The following PTGER3 variants were observed in gnomAD, a reference collection of about 807,000 sequenced individuals.
PTGER3 encodes prostaglandin E receptor 3.
PTGER3 carries 22 observed loss-of-function variants against 34.7 expected under a neutral mutation model. The observed-to-expected ratio is 0.63, with a 90% CI of 0.45 to 0.91. PTGER3 has a LOEUF of 0.91. Ranked by LOEUF, PTGER3 falls within the 40% of genes least tolerant of loss-of-function variation. PTGER3 has a pLI of 0.00. For synonymous variants in PTGER3, 241 were observed against 230.1 expected, an observed-to-expected ratio of 1.05 and a Z score of -0.43; for missense variants, 468 against 519.4, an observed-to-expected ratio of 0.90 and a Z score of 0.96.
chr1:71,036,349 A>G (rs965419840), intron 1 of PTGER3, among the ~76,000 whole-genome samples: 4 of 152,142 alleles, frequency 2.6e-5, no homozygotes, highest in Non-Finnish European at 5.9e-5. Flanking sequence ...AAGCCTTAAA[A>G]GAAAACTTAG....
At chr1:71,039,665 A>G (rs527291129) in intron 1 of PTGER3, among the ~76,000 whole-genome samples, 96 of 89,782 alleles carry the variant, frequency 1.1e-3, no homozygotes, top group South Asian at 8.7e-3. Context: ...AAAAAAAAAA[A>G]AAAAAGAAAA....
chr1:70,921,053 T>G (rs1264858188), intron 4 of PTGER3, among the ~76,000 whole-genome samples: 1 of 152,204 alleles, frequency 6.6e-6, no homozygotes, highest in African/African-American at 2.4e-5. Flanking sequence ...CATATCATCA[T>G]TTACATTATA....
At chr1:70,881,438 C>T (rs1292290987) in intron 4 of PTGER3, among the ~76,000 whole-genome samples, 1 of 152,148 alleles carries the variant, frequency 6.6e-6, no homozygotes, top group Non-Finnish European at 1.5e-5. Context: ...AGGTTAACAA[C>T]CTTTGCTGGG....
At chr1:70,925,634 T>C (rs1216811232) in intron 4 of PTGER3, among the ~76,000 whole-genome samples, 1 of 152,010 alleles carries the variant, frequency 6.6e-6, no homozygotes, top group East Asian at 1.9e-4. Flanking sequence ...TAAGAGTAAA[T>C]CTTCAAATGT....
intron 3 of PTGER3, 43 bp from the exon 4 acceptor site, chr1:70,971,776 G>A (rs763028434): frequency 7.2e-6 from 10 of 1,388,432 alleles, no homozygotes; most frequent in Non-Finnish European, 7.9e-6. Context: ...CATGGATGGG[G>A]ATTATTTTTT....
Position 71,001,041 on chromosome 1 carries a change from T to A in PTGER3, c.1077+11264A>T, listed in dbSNP as rs186153444. On this transcript the variant is annotated intron_variant, in intron 2 of 3. Transcript: ENST00000306666. ...TGGTGTCATATGCTAGAAAAAACAT[T>A]GAAAAAATAAGCTGAAAGGAGTAGC... Among the ~76,000 whole-genome samples, 138 of 152,166 alleles carry A rather than the reference T, an allele frequency of 9.1e-4. 2 individuals are homozygous for A. The highest frequency in any genetic ancestry group is 3.2e-3 in the African/African-American group (131 of 41,482).
intron 4 of PTGER3, among the ~76,000 whole-genome samples, chr1:70,873,648 TG>T (rs1646211861): frequency 1.3e-5 from 2 of 148,308 alleles, no homozygotes; most frequent in African/African-American, 5.1e-5. Context: ...ATATGTGAGG[TG>T]CTTTTTTTTT....
At chr1:70,856,051 G>T (rs375910659) in intron 4 of PTGER3, among the ~76,000 whole-genome samples, 1 of 152,070 alleles carries the variant, frequency 6.6e-6, no homozygotes, top group East Asian at 1.9e-4. Flanking sequence ...CCACTATCTA[G>T]TTGTGCCACT....
At chr1:70,999,013 C>T (rs1656236325) in intron 2 of PTGER3, among the ~76,000 whole-genome samples, 1 of 152,136 alleles carries the variant, frequency 6.6e-6, no homozygotes, top group African/African-American at 2.4e-5. Flanking sequence ...AACCCCTTCT[C>T]TACCAAAAAA....
chr1:70,944,461 A>C (rs1350202353), intron 4 of PTGER3, among the ~76,000 whole-genome samples: 2 of 152,166 alleles, frequency 1.3e-5, no homozygotes, highest in African/African-American at 4.8e-5. Context: ...AGAAAAACCC[A>C]GATTCTTCAC....
intron 2 of PTGER3, chr1:71,011,971 A>T: frequency 7.5e-7 from 1 of 1,331,714 alleles, no homozygotes; most frequent in Non-Finnish European, 9.6e-7. Flanking sequence ...AATTAATCAC[A>T]TATTCAGCTA....
At chr1:71,037,630 G>A (rs1376899184) in intron 1 of PTGER3, among the ~76,000 whole-genome samples, 1 of 152,150 alleles carries the variant, frequency 6.6e-6, no homozygotes, top group Non-Finnish European at 1.5e-5. Context: ...ATGTCCAATA[G>A]GGACGATTTA....
chr1:70,861,187 A>C (rs1050168429), intron 4 of PTGER3, among the ~76,000 whole-genome samples: 1 of 152,214 alleles, frequency 6.6e-6, no homozygotes, highest in East Asian at 1.9e-4. Flanking sequence ...AATAGCAAGA[A>C]ATTCAAAGAG....
intron 4 of PTGER3, among the ~76,000 whole-genome samples, chr1:70,871,749 G>A (rs1232957331): frequency 6.6e-6 from 1 of 152,130 alleles, no homozygotes; most frequent in Non-Finnish European, 1.5e-5. Context: ...ATTAGATGCA[G>A]AAATATCAAC....
chr1:70,905,074 G>A (rs1646916779), intron 4 of PTGER3, among the ~76,000 whole-genome samples: 1 of 152,162 alleles, frequency 6.6e-6, no homozygotes, highest in South Asian at 2.1e-4. Flanking sequence ...AGCTCAGGCT[G>A]TGGTTTCAGA....
chr1:70,896,585 C>T (rs866305064), intron 4 of PTGER3, among the ~76,000 whole-genome samples: 4 of 152,288 alleles, frequency 2.6e-5, no homozygotes, highest in Middle Eastern at 3.4e-3. Flanking sequence ...TAAATTGTTA[C>T]AGCAGCCCTA....
chr1:70,999,551 A>C (rs1252314077), intron 2 of PTGER3, among the ~76,000 whole-genome samples: 1 of 152,210 alleles, frequency 6.6e-6, no homozygotes, highest in Admixed American at 6.5e-5. Context: ...AAATTTCAAA[A>C]TTAAGCAGGG....
chr1:70,995,264 C>CA (rs1409431372), intron 2 of PTGER3, among the ~76,000 whole-genome samples: 2 of 151,912 alleles, frequency 1.3e-5, no homozygotes, highest in Non-Finnish European at 2.9e-5. Flanking sequence ...GGAGAGGATT[C>CA]AAAAAAGGCT....
chr1:70,908,247 C>G (rs74089136), intron 4 of PTGER3, among the ~76,000 whole-genome samples: 4,282 of 152,220 alleles, frequency 0.028, 223 homozygotes, highest in African/African-American at 0.098. Flanking sequence ...CAATAAGCAT[C>G]TGAATGATTT....
Sources: gnomAD v4.1 joint callset for allele counts (sites outside exome capture counted in the v4.1 genomes callset) on GRCh38, gnomAD v4.1.1 for gene constraint, MANE v1.5 for transcripts, NCBI Gene and HGNC (gene_info 2026-07-23, HGNC 2026-07-21) for gene names.